The following SGCZ variants were observed in gnomAD, a reference collection of about 807,000 sequenced individuals.
SGCZ encodes sarcoglycan zeta.
Under a neutral mutation model 41.3 loss-of-function variants are expected in SGCZ, and 40 were observed. The ratio of observed to expected loss-of-function variants is 0.97; its 90% confidence interval spans 0.75 to 1.26. The LOEUF (loss-of-function observed/expected upper bound fraction) is 1.26, where lower values mean the gene tolerates loss of function less well. SGCZ is among the 50% of genes most tolerant of loss of function. The probability of loss-of-function intolerance (pLI) is 0.00; values close to 1 mark genes in which losing one functional copy is unlikely to be tolerated. For missense variants in SGCZ, 552 were observed against 369.8 expected, an observed-to-expected ratio of 1.49 and a Z score of -4.04; for synonymous variants, 206 against 137.5, an observed-to-expected ratio of 1.50 and a Z score of -3.49.
intron 1 of SGCZ, among the ~76,000 whole-genome samples, chr8:14,788,096 G>C (rs1366544862): frequency 1.3e-5 from 2 of 152,062 alleles, no homozygotes; most frequent in African/African-American, 4.8e-5. Context: ...TACTGTGAGT[G>C]GTAGAAAGCA....
At chr8:14,352,791 T>C (rs1349282201) in intron 2 of SGCZ, among the ~76,000 whole-genome samples, 3 of 152,138 alleles carry the variant, frequency 2.0e-5, no homozygotes, top group South Asian at 2.1e-4. Context: ...GGCTCAGTCC[T>C]ATCCAGGTTC....
At chr8:14,257,241 C>A (rs1213288908) in intron 3 of SGCZ, among the ~76,000 whole-genome samples, 1 of 151,832 alleles carries the variant, frequency 6.6e-6, no homozygotes, top group Non-Finnish European at 1.5e-5. Flanking sequence ...ATGGGAGGAT[C>A]ACTTGCTTGA....
At chr8:14,376,297 C>A (rs752425836) in intron 2 of SGCZ, among the ~76,000 whole-genome samples, 1 of 151,040 alleles carries the variant, frequency 6.6e-6, no homozygotes, top group Non-Finnish European at 1.5e-5. Flanking sequence ...GGCAACAGAG[C>A]GGGACTCAAT....
chr8:14,698,174 A>C (rs1809026485), intron 1 of SGCZ, among the ~76,000 whole-genome samples: 1 of 152,012 alleles, frequency 6.6e-6, no homozygotes, highest in Admixed American at 6.6e-5. Context: ...TATAAGAATG[A>C]AATATTATAC....
At chr8:14,600,176 C>G (rs1805541087) in intron 1 of SGCZ, among the ~76,000 whole-genome samples, 1 of 152,116 alleles carries the variant, frequency 6.6e-6, no homozygotes. Flanking sequence ...ACCACACTCT[C>G]TTGGATCTTA....
chr8:14,177,963 T>C (rs4831545), intron 4 of SGCZ, among the ~76,000 whole-genome samples: 674 of 4,242 alleles, frequency 0.16, 2 homozygotes, highest in Non-Finnish European at 0.26. Flanking sequence ...TTTTTCTTTT[T>C]TTTTTTTTTT....
chr8:14,453,779 T>C (rs538269495), intron 2 of SGCZ, among the ~76,000 whole-genome samples: 1 of 152,342 alleles, frequency 6.6e-6, no homozygotes, highest in Admixed American at 6.5e-5. Flanking sequence ...CATTCAAAAA[T>C]CTACTTTGCA....
chr8:14,643,151 T>C (rs556376988), intron 1 of SGCZ, among the ~76,000 whole-genome samples: 9 of 151,704 alleles, frequency 5.9e-5, no homozygotes, highest in African/African-American at 1.9e-4. Flanking sequence ...GCAAAATAGA[T>C]GAAGGGGAAA....
At chr8:14,907,160 A>G (rs1284433923) in intron 1 of SGCZ, among the ~76,000 whole-genome samples, 1 of 152,066 alleles carries the variant, frequency 6.6e-6, no homozygotes, top group Non-Finnish European at 1.5e-5. Context: ...GATACAGTCT[A>G]CTATTTTTTC....
At chr8:14,493,396 C>CTCAT in intron 2 of SGCZ, among the ~76,000 whole-genome samples, 1 of 41,304 alleles carries the variant, frequency 2.4e-5, no homozygotes, top group East Asian at 9.2e-4. Context: ...TTGATGGAGT[C>CTCAT]TCATTGTGTT....
At chr8:14,127,928 C>A (rs1357368136) in intron 5 of SGCZ, among the ~76,000 whole-genome samples, 1 of 152,118 alleles carries the variant, frequency 6.6e-6, no homozygotes, top group Non-Finnish European at 1.5e-5. Context: ...CCAACCTCCC[C>A]CCGCATCAAG....
intron 1 of SGCZ, among the ~76,000 whole-genome samples, chr8:14,594,669 G>C (rs10101170): frequency 2.6e-5 from 4 of 151,606 alleles, no homozygotes; most frequent in African/African-American, 9.7e-5. Context: ...CTCTAAAAGG[G>C]CATGGGTTAC....
chr8:14,404,134 C>T (rs28403047), intron 2 of SGCZ, among the ~76,000 whole-genome samples: 6,106 of 152,144 alleles, frequency 0.04, 385 homozygotes, highest in African/African-American at 0.14. Context: ...GCATTATCTT[C>T]AGCTCCATTT....
chr8:14,453,296 C>G (rs537803002), intron 2 of SGCZ, among the ~76,000 whole-genome samples: 1 of 152,244 alleles, frequency 6.6e-6, no homozygotes, highest in African/African-American at 2.4e-5. Flanking sequence ...ATTATGCACT[C>G]TAATTAAAGT....
intron 3 of SGCZ, among the ~76,000 whole-genome samples, chr8:14,275,886 G>A (rs1013480381): frequency 5.3e-5 from 8 of 152,130 alleles, no homozygotes; most frequent in Non-Finnish European, 7.3e-5. Context: ...CAGATCCAGG[G>A]TAAACATAGT....
intron 3 of SGCZ, among the ~76,000 whole-genome samples, chr8:14,276,685 G>A (rs555706299): frequency 1.3e-5 from 2 of 152,020 alleles, no homozygotes; most frequent in East Asian, 1.9e-4. Context: ...ATTTTATACT[G>A]TCTCTGGGGC....
intron 1 of SGCZ, among the ~76,000 whole-genome samples, chr8:14,719,352 C>T (rs532240639): frequency 1.9e-4 from 29 of 150,386 alleles, no homozygotes; most frequent in East Asian, 6.0e-4. Context: ...GATTTATAGT[C>T]CTTTGGGTAT....
rs558255052 is a variant in SGCZ at position 14,337,160 on chromosome 8, C to T, written c.235-12956G>A. Reference sequence around the variant, plus strand: ...CCTCCCAATATATGGCTGGAACTCCCCAGCTGATTGATGGAAGACATGCAG... The same window carrying T: ...CCTCCCAATATATGGCTGGAACTCCTCAGCTGATTGATGGAAGACATGCAG... On this transcript the variant is annotated intron_variant, in intron 2 of 7. Coordinates refer to ENST00000382080, the MANE Select transcript of SGCZ (RefSeq NM_139167.4). 2.0e-5 allele frequency among the ~76,000 whole-genome samples: 3 copies of T among 152,208 alleles called. 1 individual carries two copies. In the South Asian group the frequency reaches 6.2e-4, roughly 32 times the overall value.
At chr8:15,185,661 C>A (rs750924954) in intron 1 of SGCZ, among the ~76,000 whole-genome samples, 2 of 152,224 alleles carry the variant, frequency 1.3e-5, no homozygotes, top group Non-Finnish European at 2.9e-5. Context: ...TCGATCACTG[C>A]CCCAAGTTCT....
Sources: gnomAD v4.1 joint callset for allele counts (sites outside exome capture counted in the v4.1 genomes callset) on GRCh38, gnomAD v4.1.1 for gene constraint, MANE v1.5 for transcripts, NCBI Gene and HGNC (gene_info 2026-07-23, HGNC 2026-07-21) for gene names.